PTK6: variants seen among roughly 807,000 people sequenced by gnomAD.
PTK6 encodes protein tyrosine kinase 6, also known as protein-tyrosine kinase 6.
A neutral mutation model predicts 47.5 loss-of-function variants in PTK6; 47 were observed. The ratio of observed to expected loss-of-function variants is 0.99; its 90% confidence interval spans 0.78 to 1.26. The LOEUF is 1.26. Ranked by LOEUF, PTK6 falls within the 50% of genes most tolerant of loss-of-function variation. PTK6 has a pLI of 0.00. For synonymous variants in PTK6, 287 were observed against 276.5 expected (o/e 1.04, Z -0.38); for missense variants, 618 against 625.3 (o/e 0.99, Z 0.12).
chr20:63,532,835 G>T (rs919911563), intron 4 of PTK6, 148 bp from the exon 5 acceptor site: 29 of 1,134,704 alleles, frequency 2.6e-5, no homozygotes, highest in Non-Finnish European at 3.3e-5. Context: ...AGGGCACCTG[G>T]CTCCCGAGGC....
At position 63,530,639 on chromosome 20, in the gene PTK6, G is replaced by T; in HGVS notation, c.1014+107C>A. 1.5e-6 allele frequency: 2 copies of T among 1,369,454 alleles called. No individual in the cohort carries two copies. The highest frequency in any genetic ancestry group is 2.0e-6 in the Non-Finnish European group (2 of 1,011,146). The allele number at this position is 1,369,454 out of a possible 1,614,324, so 84.8% of individuals were successfully genotyped here. A position where few individuals can be genotyped will look rare whatever the true frequency, so the allele number is the denominator to read the frequency against. On this transcript the variant is annotated intron_variant, in intron 6 of 7. Coordinates refer to ENST00000542869, the MANE Select transcript of PTK6 (RefSeq NM_005975.4). This position sits in a 1 kb window ranked among gnomAD's most constrained non-coding sequence, Gnocchi z 4.1. ...CCCAGCCTGGGCTCCCGAGGGCAGG[G>T]GCCGCATCCTGCTCCCAGCCGAGTC...
chr20:63,535,019 G>T lies in PTK6; in HGVS notation c.271C>A (p.Arg91=). 2 of 1,608,620 alleles carry T rather than the reference G, an allele frequency of 1.2e-6. No individual in the cohort carries two copies. The highest frequency in any genetic ancestry group is 1.7e-6 in the Non-Finnish European group (2 of 1,177,170). The stretch of plus-strand genomic sequence containing the variant: ...GTGGCGTTGCCCTCGGCCTGCAGCC[G>T]ACGCACAGCTTCCGAGCGGGAGATG... ...GCISRSEAVR[R]LQAEGNATGA... is the part of the protein sequence containing the mutation. The change falls in exon 2 of 8, where the codon CGG becomes AGG. Residue 91 remains arginine, a synonymous_variant. Transcript: ENST00000542869.
chr20:63,530,963 T>C lies in PTK6; in HGVS notation c.833-36A>G, dbSNP rs762391537. The C allele has an allele frequency of 6.5e-7, 1 of 1,530,482 alleles. No homozygotes were observed. Among genetic ancestry groups the C allele is most frequent in the Non-Finnish European group, 8.8e-7 (1 of 1,137,630 alleles). The allele number at this position is 1,530,482 out of a possible 1,614,324, so 94.8% of individuals were successfully genotyped here. A position where few individuals can be genotyped will look rare whatever the true frequency, so the allele number is the denominator to read the frequency against. On this transcript the variant is annotated intron_variant, in intron 5 of 7. Transcript: ENST00000542869. This position sits in a 1 kb window ranked among gnomAD's most constrained non-coding sequence, Gnocchi z 4.1. ...GAGTGGAGCAGAGCCTGGGGTCAGCTGAGCCAGCTGAGGTGGGGAAGGGTT... is the reference window on the plus strand; with the variant it reads ...GAGTGGAGCAGAGCCTGGGGTCAGCCGAGCCAGCTGAGGTGGGGAAGGGTT...
intron 3 of PTK6, 89 bp downstream of exon 3, chr20:63,534,063 G>T: frequency 7.0e-7 from 1 of 1,436,428 alleles, no homozygotes; most frequent in Non-Finnish European, 9.2e-7. Context: ...CCCCTCCCAT[G>T]CTGCCCGGCC....
rs747604105 is a variant in PTK6, at chr20:63,537,328, A to G, written c.-14T>C. On this transcript the variant is annotated 5_prime_UTR_variant, in exon 1 of 8. Coordinates refer to ENST00000542869, the MANE Select transcript of PTK6 (RefSeq NM_005975.4). ...CCGGGACACCATGGCGGGCGGGCGC[A>G]GCGGCAGGACCAGGCTGTGGCCCAG... The G allele has an allele frequency of 1.5e-5, 23 of 1,577,358 alleles. No individual in the cohort carries two copies. In the South Asian group the frequency reaches 1.7e-4, roughly 12 times the overall value.
Position 63,529,959 on chromosome 20 carries a change from G to A in PTK6, c.1168+119C>T, listed in dbSNP as rs531890150. On this transcript the variant is annotated intron_variant, in intron 7 of 7. Transcript: ENST00000542869. The surrounding 1 kb of genome is among the most constrained non-coding windows in gnomAD (Gnocchi z 5.6). The stretch of plus-strand genomic sequence containing the variant: ...AATGGTGCAGGTGTGGAGTTCAGGC[G>A]ATGGCCCGCGGAGGGCCCTGAAGCC... The A allele has an allele frequency of 1.2e-4, 155 of 1,307,528 alleles. No homozygotes were observed. In the Admixed American group the frequency reaches 1.5e-3, roughly 13 times the overall value. 81.0% of individuals were successfully genotyped at this position (1,307,528 alleles called of 1,614,324 possible).
At chr20:63,536,782 C>T (rs1350517281) in intron 1 of PTK6, among the ~76,000 whole-genome samples, 1 of 152,224 alleles carries the variant, frequency 6.6e-6, no homozygotes, top group Non-Finnish European at 1.5e-5. Flanking sequence ...TCTGTCCTCC[C>T]TGGGTCCCGG....
At position 63,533,432 on chromosome 20, in the gene PTK6, T is replaced by TCGCATGGA. The variant is rs1289283522; in HGVS notation, c.670+111_670+118dup. ...AGGTGCAATTGAAAGGGAACCACTCTCGCATGGACGCTGTGGGTGCTGCTT... is the reference window on the plus strand; with the variant it reads ...AGGTGCAATTGAAAGGGAACCACTCTCGCATGGACGCATGGACGCTGTGGGTGCTGCTT... On this transcript the variant is annotated intron_variant, in intron 4 of 7. Coordinates refer to ENST00000542869, the MANE Select transcript of PTK6 (RefSeq NM_005975.4). This position sits in a 1 kb window ranked among gnomAD's most constrained non-coding sequence, Gnocchi z 4.0. 21 of 1,234,142 alleles carry TCGCATGGA rather than the reference T, an allele frequency of 1.7e-5. No individual in the cohort carries two copies. The highest frequency in any genetic ancestry group is 2.8e-5 in the Admixed American group (1 of 35,592). 76.4% of individuals were successfully genotyped at this position (1,234,142 alleles called of 1,614,324 possible).
Position 63,533,181 on chromosome 20 carries a change from C to T in PTK6, c.670+370G>A, listed in dbSNP as rs2082638734. Among the ~76,000 whole-genome samples the T allele has an allele frequency of 6.6e-6, 1 of 151,982 alleles. No individual in the cohort carries two copies. Among genetic ancestry groups the T allele is most frequent in the Non-Finnish European group, 1.5e-5 (1 of 68,030 alleles). ...CTCCTGGGTTGAAGCGATTCTCCTGCCTCAGCCTCCCGAGTAGCTGGGACT... is the reference window on the plus strand; with the variant it reads ...CTCCTGGGTTGAAGCGATTCTCCTGTCTCAGCCTCCCGAGTAGCTGGGACT... On this transcript the variant is annotated intron_variant, in intron 4 of 7. Transcript: ENST00000542869. The surrounding 1 kb of genome is among the most constrained non-coding windows in gnomAD (Gnocchi z 4.0).
intron 1 of PTK6, among the ~76,000 whole-genome samples, chr20:63,535,771 C>CCTCACCTGGCCTCCCGCCCCCT (rs2082660299): frequency 8.6e-6 from 1 of 115,776 alleles, no homozygotes; most frequent in African/African-American, 4.0e-5. Context: ...CCCGCCCCCC[C>CCTCACCTGGCCTCCCGCCCCCT]CCTCACCTGG....
chr20:63,535,788 G>GC (rs1371192602), intron 1 of PTK6, among the ~76,000 whole-genome samples: 1 of 8,888 alleles, frequency 1.1e-4, no homozygotes. Context: ...CTGGCCTCCC[G>GC]CCCCCTCCTC....
Position 63,537,129 on chromosome 20 carries a change from C to G in PTK6, c.186G>C (p.Val62=). Residue 62 remains valine, a synonymous_variant, in exon 1 of 8, where the codon GTG becomes GTC. Coordinates refer to ENST00000542869, the MANE Select transcript of PTK6 (RefSeq NM_005975.4). ...EAGGAVAQGY[V]PHNYLAERET... is the part of the protein sequence containing the mutation. ...CCCTCTCGGCCAGGTAGTTGTGGGG[C>G]ACATAGCCCTGGGCCACGGCCCCAC... 1 of 1,611,086 alleles carries G rather than the reference C, an allele frequency of 6.2e-7. No homozygotes were observed. Among genetic ancestry groups the G allele is most frequent in the Non-Finnish European group, 8.5e-7 (1 of 1,179,314 alleles).
Position 63,533,038 on chromosome 20 carries a change from C to T in PTK6, c.671-351G>A, listed in dbSNP as rs769501467. On this transcript the variant is annotated intron_variant, in intron 4 of 7. Coordinates refer to ENST00000542869, the MANE Select transcript of PTK6 (RefSeq NM_005975.4). This position sits in a 1 kb window ranked among gnomAD's most constrained non-coding sequence, Gnocchi z 4.0. ...GATCTATTTTAATGGCTTTCCATTA[C>T]GTCAAGGATTTTAAATTTTCTTTCT... Among the ~76,000 whole-genome samples, 21 of 152,038 alleles carry T rather than the reference C, an allele frequency of 1.4e-4. No individual in the cohort carries two copies. Among genetic ancestry groups the T allele is most frequent in the Non-Finnish European group, 2.2e-4 (15 of 68,004 alleles).
chr20:63,529,926 G>A lies in PTK6; in HGVS notation c.1168+152C>T, dbSNP rs927579315. On this transcript the variant is annotated intron_variant, in intron 7 of 7. Transcript: ENST00000542869. This position sits in a 1 kb window ranked among gnomAD's most constrained non-coding sequence, Gnocchi z 5.6. ...GGCAGCTCCAGGCACCAGCCTGGGTGCTCAGAGAATGGTGCAGGTGTGGAG... is the reference window on the plus strand; with the variant it reads ...GGCAGCTCCAGGCACCAGCCTGGGTACTCAGAGAATGGTGCAGGTGTGGAG... The A allele has an allele frequency of 6.2e-6, 7 of 1,132,000 alleles. No homozygotes were observed. The highest frequency in any genetic ancestry group is 4.8e-5 in the African/African-American group (3 of 62,532). The allele number at this position is 1,132,000 out of a possible 1,614,324, so 70.1% of individuals were successfully genotyped here. A position where few individuals can be genotyped will look rare whatever the true frequency, so the allele number is the denominator to read the frequency against.
rs1346046554 is a variant in PTK6 at position 63,529,666 on chromosome 20, G to GGGCA, written c.1222_1225dup (p.Pro409LeufsTer57). ...GTGCACGCTGGGCGGGCACTCCAGA[G>GGGCA]GGCAGGGCATGCGGTAGCCGGCGTC... On this transcript the variant is annotated frameshift_variant, in exon 8 of 8. Coordinates refer to ENST00000542869, the MANE Select transcript of PTK6 (RefSeq NM_005975.4). LOFTEE classifies it low-confidence loss of function (END_TRUNC). The surrounding 1 kb of genome is among the most constrained non-coding windows in gnomAD (Gnocchi z 5.6). 3 of 1,547,312 alleles carry GGGCA rather than the reference G, an allele frequency of 1.9e-6. No individual in the cohort carries two copies. Among genetic ancestry groups the GGGCA allele is most frequent in the Non-Finnish European group, 2.6e-6 (3 of 1,146,072 alleles).
At chr20:63,534,668 C>T (rs1291609932) in intron 2 of PTK6, among the ~76,000 whole-genome samples, 2 of 152,146 alleles carry the variant, frequency 1.3e-5, no homozygotes, top group African/African-American at 4.8e-5. Flanking sequence ...CCCATGGGTG[C>T]TGAGGACCTC....
At position 63,530,610 on chromosome 20, in the gene PTK6, C is replaced by T. The variant is rs1411045228; in HGVS notation, c.1014+136G>A. On this transcript the variant is annotated intron_variant, in intron 6 of 7. Coordinates refer to ENST00000542869, the MANE Select transcript of PTK6 (RefSeq NM_005975.4). This position sits in a 1 kb window ranked among gnomAD's most constrained non-coding sequence, Gnocchi z 4.1. ...CGGACTCACGGTGGCTTCCCACCTC[C>T]CTGCCCAGCCTGGGCTCCCGAGGGC... 7 of 1,158,736 alleles carry T rather than the reference C, an allele frequency of 6.0e-6. No individual in the cohort carries two copies. Among genetic ancestry groups the T allele is most frequent in the Admixed American group, 2.9e-5 (1 of 34,926 alleles). 71.8% of individuals were successfully genotyped at this position (1,158,736 alleles called of 1,614,324 possible).
At position 63,534,152 on chromosome 20, in the gene PTK6, C is replaced by A; in HGVS notation, c.516G>T (p.Lys172Asn). Residue 172 changes from lysine to asparagine, a missense_variant and splice_region_variant, in exon 3 of 8, where the codon AAG becomes AAT. By Grantham distance (94) the Lys-to-Asn change is moderately conservative (BLOSUM62 0). Transcript: ENST00000542869. The stretch of plus-strand genomic sequence containing the variant: ...GACCAAGTCAGGGCGGAGCGGCTAC[C>A]TTCCGGCAGGGCGCGGCCAGCCGCA... ...HGLRLAAPCRKHEPEPLPHWD... is the reference protein window; with the variant it reads ...HGLRLAAPCRNHEPEPLPHWD... 6.5e-7 allele frequency: 1 copy of A among 1,548,364 alleles called. No homozygotes were observed. The highest frequency in any genetic ancestry group is 8.7e-7 in the Non-Finnish European group (1 of 1,147,412).
chr20:63,533,355 C>T lies in PTK6; in HGVS notation c.670+196G>A, dbSNP rs1049687731. On this transcript the variant is annotated intron_variant, in intron 4 of 7. Coordinates refer to ENST00000542869, the MANE Select transcript of PTK6 (RefSeq NM_005975.4). The surrounding 1 kb of genome is among the most constrained non-coding windows in gnomAD (Gnocchi z 4.0). ...TGTGGGGATTACAGATGTGAGCCAC[C>T]GTGCCCGGCCTAAAATTTTCTTTTA... Among the ~76,000 whole-genome samples, 3 of 151,966 alleles carry T rather than the reference C, an allele frequency of 2.0e-5. No individual in the cohort carries two copies. The highest frequency in any genetic ancestry group is 4.4e-5 in the Non-Finnish European group (3 of 68,000).
Sources: allele counts gnomAD v4.1 joint callset (sites outside exome capture counted in the v4.1 genomes callset), GRCh38; gene constraint gnomAD v4.1.1; non-coding constraint Gnocchi (gnomAD v3.1); transcripts MANE v1.5; gene names NCBI Gene and HGNC (gene_info 2026-07-23, HGNC 2026-07-21).